The following TAFA2 variants were observed in gnomAD, a reference collection of about 807,000 sequenced individuals.
TAFA2 encodes chemokine-like protein TAFA-2.
Under a neutral mutation model 18.8 loss-of-function variants are expected in TAFA2, and 7 were observed. The observed-to-expected ratio is 0.37, with a 90% CI of 0.21 to 0.70. TAFA2 has a LOEUF of 0.70. TAFA2 is among the 30% of genes least tolerant of loss of function. The pLI is 0.53. For synonymous variants in TAFA2, 60 were observed against 54.2 expected, an observed-to-expected ratio of 1.11 and a Z score of -0.47; for missense variants, 122 against 158.1, an observed-to-expected ratio of 0.77 and a Z score of 1.23.
intron 1 of TAFA2, among the ~76,000 whole-genome samples, chr12:62,177,398 T>C (rs2062521225): frequency 6.6e-6 from 1 of 152,194 alleles, no homozygotes; most frequent in African/African-American, 2.4e-5. Flanking sequence ...AAGACAACAA[T>C]AGAGAGAGAG....
At chr12:61,958,013 C>T (rs1878756725) in intron 1 of TAFA2, among the ~76,000 whole-genome samples, 1 of 152,094 alleles carries the variant, frequency 6.6e-6, no homozygotes, top group Admixed American at 6.6e-5. Context: ...TAGCATCTCA[C>T]CCCAGCTCCT....
intron 1 of TAFA2, among the ~76,000 whole-genome samples, chr12:61,909,373 G>T (rs1451943144): frequency 6.6e-6 from 1 of 152,090 alleles, no homozygotes; most frequent in East Asian, 1.9e-4. Context: ...TGGACCTAGG[G>T]GAAGACATCT....
intron 1 of TAFA2, among the ~76,000 whole-genome samples, chr12:62,222,140 C>G (rs555478511): frequency 2.0e-5 from 3 of 151,892 alleles, no homozygotes; most frequent in Admixed American, 6.6e-5. Context: ...TTGTAAGAAC[C>G]CTCACAGATG....
chr12:61,928,059 T>A (rs1383381789), intron 1 of TAFA2, among the ~76,000 whole-genome samples: 1 of 152,168 alleles, frequency 6.6e-6, no homozygotes, highest in Non-Finnish European at 1.5e-5. Flanking sequence ...ATAAAAATCC[T>A]AGAAGAAAAC....
At chr12:62,025,919 A>G (rs938433636) in intron 1 of TAFA2, among the ~76,000 whole-genome samples, 1 of 152,126 alleles carries the variant, frequency 6.6e-6, no homozygotes, top group African/African-American at 2.4e-5. Flanking sequence ...GGAACCCAAA[A>G]TAAAGAAGTA....
At chr12:61,762,633 TTA>T (rs55985443) in intron 2 of TAFA2, among the ~76,000 whole-genome samples, 17 of 147,546 alleles carry the variant, frequency 1.2e-4, no homozygotes, top group South Asian at 6.4e-4. Context: ...ATTTCATTTT[TTA>T]TATATATATA....
rs114790195 is a variant in TAFA2, at chr12:62,153,926, G to A, written c.-2+37333C>T. On this transcript the variant is annotated intron_variant, in intron 1 of 4. Coordinates refer to ENST00000416284, the MANE Select transcript of TAFA2 (RefSeq NM_178539.5). The stretch of plus-strand genomic sequence containing the variant: ...ACAGGCATGAACATAACAAAATTAT[G>A]TTATGTTATGTTATGTTATGTTATG... Among the ~76,000 whole-genome samples, 959 of 129,278 alleles carry A rather than the reference G, an allele frequency of 7.4e-3. 14 individuals are homozygous for A. Among genetic ancestry groups the A allele is most frequent in the African/African-American group, 0.027 (923 of 33,910 alleles). 84.8% of individuals were successfully genotyped at this position (129,278 alleles called of 152,430 possible).
In TAFA2 at chr12:62,192,719, G is replaced by C. The variant is rs1196138870; in HGVS notation, c.-1462C>G. 6.6e-6 allele frequency: 1 copy of C among 152,254 alleles called. No individual in the cohort carries two copies. The highest frequency in any genetic ancestry group is 1.5e-5 in the Non-Finnish European group (1 of 68,088). The allele number at this position is 152,254 out of a possible 1,614,324, so 9.4% of individuals were successfully genotyped here. A position where few individuals can be genotyped will look rare whatever the true frequency, so the allele number is the denominator to read the frequency against. On this transcript the variant is annotated 5_prime_UTR_variant, in exon 1 of 5. Coordinates refer to ENST00000416284, the MANE Select transcript of TAFA2 (RefSeq NM_178539.5). The stretch of plus-strand genomic sequence containing the variant: ...AAATGGAATGGCAGGGCCGGGCGGC[G>C]TTGCCTCGCCTCTCTCTCCCAACAG...
rs1869313942 is a variant in TAFA2, at chr12:61,709,875, T to A, written c.*531A>T. On this transcript the variant is annotated 3_prime_UTR_variant, in exon 5 of 5. Transcript: ENST00000416284. Reference sequence around the variant, plus strand: ...CTTTAAGATGTTAAAACATGTAGGCTTTCTGAGCTCCAAGATTAGGATATA... The same window carrying A: ...CTTTAAGATGTTAAAACATGTAGGCATTCTGAGCTCCAAGATTAGGATATA... 6.6e-6 allele frequency: 1 copy of A among 152,458 alleles called. No individual in the cohort carries two copies. The highest frequency in any genetic ancestry group is 2.4e-5 in the African/African-American group (1 of 41,450). 9.4% of individuals were successfully genotyped at this position (152,458 alleles called of 1,614,324 possible).
chr12:62,198,152 C>G (rs575220990), intron 1 of TAFA2: 2 of 152,070 alleles, frequency 1.3e-5, no homozygotes, highest in South Asian at 4.1e-4. Flanking sequence ...CCCACAACAT[C>G]TCATAAAGCA....
intron 1 of TAFA2, among the ~76,000 whole-genome samples, chr12:62,075,725 T>C (rs1170232835): frequency 1.3e-5 from 2 of 152,230 alleles, no homozygotes; most frequent in Non-Finnish European, 2.9e-5. Context: ...TATGGTCAAT[T>C]ACCAGTAAGG....
At chr12:61,781,361 G>T (rs1431225238) in intron 2 of TAFA2, among the ~76,000 whole-genome samples, 3 of 151,750 alleles carry the variant, frequency 2.0e-5, no homozygotes, top group Admixed American at 6.6e-5. Context: ...AAGATTAAAA[G>T]AAGTGGAATC....
At chr12:62,139,420 A>G (rs1183663405) in intron 1 of TAFA2, among the ~76,000 whole-genome samples, 1 of 152,230 alleles carries the variant, frequency 6.6e-6, no homozygotes, top group Admixed American at 6.5e-5. Flanking sequence ...CAGAGTGTCA[A>G]CTCAGGTTGT....
intron 1 of TAFA2, among the ~76,000 whole-genome samples, chr12:62,036,570 T>C (rs757966386): frequency 6.6e-6 from 1 of 152,236 alleles, no homozygotes; most frequent in Non-Finnish European, 1.5e-5. Context: ...AGCCTGGTAG[T>C]AGTACTCTAC....
At chr12:61,747,883 A>T (rs945270367) in intron 4 of TAFA2, among the ~76,000 whole-genome samples, 1 of 152,136 alleles carries the variant, frequency 6.6e-6, no homozygotes, top group African/African-American at 2.4e-5. Flanking sequence ...AAAAAAGAAA[A>T]AAAAAAGAAA....
Position 62,254,039 on chromosome 12 carries a change from C to T in TAFA2, c.-130+4724G>A, listed in dbSNP as rs140798405. 1.8e-3 allele frequency among the ~76,000 whole-genome samples: 279 copies of T among 152,300 alleles called. 2 individuals carry two copies. The highest frequency in any genetic ancestry group is 6.4e-3 in the African/African-American group (268 of 41,570). On this transcript the variant is annotated intron_variant, in intron 1 of 5. Coordinates refer to the TAFA2 transcript ENST00000551619. ...CCTTCACACAAAAGACTGAGTAAAG[C>T]TACACTTTAAATATTATCCTTCTTA...
At chr12:62,058,468 C>G (rs1882244035) in intron 1 of TAFA2, among the ~76,000 whole-genome samples, 1 of 152,200 alleles carries the variant, frequency 6.6e-6, no homozygotes, top group Non-Finnish European at 1.5e-5. Context: ...TTTACAGACA[C>G]TGGAGATACA....
intron 2 of TAFA2, among the ~76,000 whole-genome samples, chr12:61,813,552 A>C (rs1367492429): frequency 6.6e-6 from 1 of 151,308 alleles, no homozygotes; most frequent in Non-Finnish European, 1.5e-5. Context: ...CAATAACAAA[A>C]GTATGGTGAA....
chr12:61,738,640 A>G (rs1868349522), intron 4 of TAFA2, among the ~76,000 whole-genome samples: 1 of 152,028 alleles, frequency 6.6e-6, no homozygotes, highest in African/African-American at 2.4e-5. Context: ...GTGTAGTCCA[A>G]CAGTCCCCAC....
Sources: allele counts gnomAD v4.1 joint callset (sites outside exome capture counted in the v4.1 genomes callset), GRCh38; gene constraint gnomAD v4.1.1; transcripts MANE v1.5; gene names NCBI Gene and HGNC (gene_info 2026-07-23, HGNC 2026-07-21).